The following NDST4 variants were observed in gnomAD, a reference collection of about 807,000 sequenced individuals.
NDST4 encodes N-deacetylase and N-sulfotransferase 4.
In NDST4, 63 loss-of-function variants were observed where a neutral mutation model predicts 100.8. The observed-to-expected ratio is 0.62, with a 90% CI of 0.51 to 0.77. The LOEUF (loss-of-function observed/expected upper bound fraction) is 0.77, where lower values mean the gene tolerates loss of function less well. NDST4 is among the 30% of genes least tolerant of loss of function. The probability of loss-of-function intolerance (pLI) is 0.00; values close to 1 mark genes in which losing one functional copy is unlikely to be tolerated. For synonymous variants in NDST4, 377 were observed against 361.8 expected (o/e 1.04, Z -0.48); for missense variants, 943 against 1,018.4 (o/e 0.93, Z 1.01).
chr4:114,944,996 G>T (rs1278552697), intron 4 of NDST4, among the ~76,000 whole-genome samples: 1 of 151,882 alleles, frequency 6.6e-6, no homozygotes, highest in Non-Finnish European at 1.5e-5. Context: ...GATCATGTGA[G>T]GTCGGGAGTT....
chr4:115,010,690 A>T lies in NDST4; in HGVS notation c.979-33416T>A, dbSNP rs1410210080. ...ACCCTAAAACTTAAAGTATAATAAT[A>T]AAAAAAAGAATACATATATGGCTCT... On this transcript the variant is annotated intron_variant, in intron 2 of 13. Transcript: ENST00000264363. Among the ~76,000 whole-genome samples the T allele has an allele frequency of 6.0e-5, 4 of 67,166 alleles. 1 individual carries two copies. Among genetic ancestry groups the T allele is most frequent in the African/African-American group, 2.3e-4 (4 of 17,200 alleles). 44.1% of individuals were successfully genotyped at this position (67,166 alleles called of 152,430 possible). A position where few individuals can be genotyped will look rare whatever the true frequency, so the allele number is the denominator to read the frequency against.
chr4:114,942,015 T>C (rs1725761582), intron 4 of NDST4, among the ~76,000 whole-genome samples: 1 of 152,212 alleles, frequency 6.6e-6, no homozygotes, highest in Non-Finnish European at 1.5e-5. Flanking sequence ...CACTGCTCAA[T>C]ACTTATCCAA....
intron 2 of NDST4, among the ~76,000 whole-genome samples, chr4:115,013,917 G>A (rs1727616877): frequency 6.6e-6 from 1 of 152,028 alleles, no homozygotes; most frequent in African/African-American, 2.4e-5. Context: ...GAAAGATGCA[G>A]AGGTGATAAT....
At chr4:115,018,725 T>G (rs1233321564) in intron 2 of NDST4, among the ~76,000 whole-genome samples, 1 of 151,960 alleles carries the variant, frequency 6.6e-6, no homozygotes, top group Admixed American at 6.6e-5. Flanking sequence ...TTTCAAAATT[T>G]AGAATATTGA....
At chr4:114,861,856 C>A (rs1403851219) in intron 7 of NDST4, among the ~76,000 whole-genome samples, 3 of 152,122 alleles carry the variant, frequency 2.0e-5, no homozygotes, top group African/African-American at 7.2e-5. Flanking sequence ...ATGCAAGTGG[C>A]CTTCCCTGAT....
At chr4:114,938,101 T>C (rs931837891) in intron 4 of NDST4, among the ~76,000 whole-genome samples, 4 of 152,120 alleles carry the variant, frequency 2.6e-5, no homozygotes, top group Non-Finnish European at 2.9e-5. Flanking sequence ...GGGAAGAAAG[T>C]GAATAAAGGC....
At chr4:114,860,601 T>C (rs1049049462) in intron 7 of NDST4, among the ~76,000 whole-genome samples, 5 of 152,198 alleles carry the variant, frequency 3.3e-5, no homozygotes, top group Non-Finnish European at 7.3e-5. Flanking sequence ...AAGCCATATA[T>C]TGAAGAGCGT....
intron 1 of NDST4, among the ~76,000 whole-genome samples, chr4:115,085,901 AC>A (rs1729401202): frequency 6.6e-6 from 1 of 152,212 alleles, no homozygotes; most frequent in Non-Finnish European, 1.5e-5. Context: ...ATATTGTCAT[AC>A]TTCATGTACA....
intron 6 of NDST4, among the ~76,000 whole-genome samples, chr4:114,906,592 T>C (rs1724953368): frequency 1.3e-5 from 2 of 152,010 alleles, no homozygotes. Context: ...AATTTCCCTA[T>C]ATTTATTGAA....
chr4:114,891,646 T>C (rs1311875286), intron 6 of NDST4, among the ~76,000 whole-genome samples: 1 of 152,116 alleles, frequency 6.6e-6, no homozygotes, highest in Non-Finnish European at 1.5e-5. Flanking sequence ...AATCTTCTGA[T>C]TGGTCTCAAC....
intron 4 of NDST4, among the ~76,000 whole-genome samples, chr4:114,961,937 C>CA (rs1317148966): frequency 1.3e-5 from 2 of 151,868 alleles, no homozygotes; most frequent in Admixed American, 6.6e-5. Flanking sequence ...AAAAAATACC[C>CA]AAAAAGGCAC....
At chr4:115,044,141 C>A (rs1180170315) in intron 2 of NDST4, among the ~76,000 whole-genome samples, 1 of 152,112 alleles carries the variant, frequency 6.6e-6, no homozygotes, top group Non-Finnish European at 1.5e-5. Context: ...TGAATTGAAG[C>A]TTTAATTTAA....
At chr4:114,973,208 C>T (rs537433609) in intron 3 of NDST4, among the ~76,000 whole-genome samples, 1 of 151,892 alleles carries the variant, frequency 6.6e-6, no homozygotes, top group African/African-American at 2.4e-5. Flanking sequence ...CTAATATATA[C>T]TTAAATTATA....
Position 114,935,331 on chromosome 4 carries a change from G to A in NDST4, c.1411C>T (p.Leu471Phe). 1 of 1,580,954 alleles carries A rather than the reference G, an allele frequency of 6.3e-7. No homozygotes were observed. The highest frequency in any genetic ancestry group is 8.6e-7 in the Non-Finnish European group (1 of 1,164,826). ...AACAACCCACAAGTCTGTCGAGGGA[G>A]GACCTGAGTAAAAAAGGGGAAAAAC... ...KGFIHNSIMVLPRQTCGLFTH... is the reference protein window; with the variant it reads ...KGFIHNSIMVFPRQTCGLFTH... Residue 471 changes from leucine to phenylalanine, a missense_variant, in exon 6 of 14, where the codon CTC becomes TTC. Physicochemically the swap from Leu to Phe is conservative, Grantham distance 22. This residue lies in a region of NDST4 where 526 missense variants were observed against 634.1 expected (regional missense o/e 0.83). Coordinates refer to ENST00000264363, the MANE Select transcript of NDST4 (RefSeq NM_022569.3).
chr4:115,108,198 C>G (rs1435030123), intron 1 of NDST4, among the ~76,000 whole-genome samples: 2 of 152,012 alleles, frequency 1.3e-5, no homozygotes, highest in African/African-American at 4.8e-5. Flanking sequence ...GCATATGCAT[C>G]TCTGCATCTG....
At chr4:114,899,335 G>A (rs1329473629) in intron 6 of NDST4, among the ~76,000 whole-genome samples, 7 of 151,898 alleles carry the variant, frequency 4.6e-5, no homozygotes, top group African/African-American at 4.8e-5. Context: ...GTGCCACCAC[G>A]CCAGGCTAAT....
At chr4:114,958,365 A>G (rs994796588) in intron 4 of NDST4, among the ~76,000 whole-genome samples, 1 of 147,870 alleles carries the variant, frequency 6.8e-6, no homozygotes, top group African/African-American at 2.7e-5. Context: ...CCTTTATTAC[A>G]GTTTGTAACA....
intron 6 of NDST4, among the ~76,000 whole-genome samples, chr4:114,918,565 A>AT (rs1236432516): frequency 6.6e-6 from 1 of 151,634 alleles, no homozygotes; most frequent in African/African-American, 2.4e-5. Context: ...ATAAATAAAA[A>AT]AAAAATAAAA....
chr4:114,990,182 G>A (rs1469658604), intron 2 of NDST4, among the ~76,000 whole-genome samples: 2 of 151,980 alleles, frequency 1.3e-5, no homozygotes, highest in Non-Finnish European at 1.5e-5. Flanking sequence ...AGTAGATACA[G>A]GTTCATTGTG....
Sources: gnomAD v4.1 joint callset for allele counts (sites outside exome capture counted in the v4.1 genomes callset) on GRCh38, gnomAD v4.1.1 for gene constraint, gnomAD v4.1.1 regional missense constraint, MANE v1.5 for transcripts, NCBI Gene and HGNC (gene_info 2026-07-23, HGNC 2026-07-21) for gene names.